Variants in RUNDC3B observed in about 807,000 individuals in gnomAD.
RUNDC3B encodes the protein RUN domain-containing protein 3B.
Under a neutral mutation model 58.4 loss-of-function variants are expected in RUNDC3B, and 33 were observed. That is an observed-to-expected ratio of 0.56 (90% confidence interval 0.43 to 0.75). The LOEUF (loss-of-function observed/expected upper bound fraction) is 0.75. Among genes scored for constraint, RUNDC3B ranks in the 30% least tolerant of loss-of-function variants. The probability of loss-of-function intolerance (pLI) is 0.00; values close to 1 mark genes in which losing one functional copy is unlikely to be tolerated. For missense variants in RUNDC3B, 501 were observed against 535.7 expected (o/e 0.94, Z 0.64); for synonymous variants, 193 against 195.2 (o/e 0.99, Z 0.10).
intron 6 of RUNDC3B, among the ~76,000 whole-genome samples, chr7:87,749,355 T>A (rs1359636770): frequency 6.6e-6 from 1 of 152,118 alleles, no homozygotes; most frequent in African/African-American, 2.4e-5. Context: ...TTTGTCTGAA[T>A]TTTTTTAATA....
chr7:87,699,437 T>C (rs1828809813), intron 2 of RUNDC3B, among the ~76,000 whole-genome samples: 1 of 152,144 alleles, frequency 6.6e-6, no homozygotes, highest in South Asian at 2.1e-4. Context: ...AGAGTCCTGC[T>C]CTGTCACTCA....
intron 4 of RUNDC3B, among the ~76,000 whole-genome samples, chr7:87,715,237 T>A (rs1830451279): frequency 7.7e-6 from 1 of 129,200 alleles, no homozygotes; most frequent in South Asian, 2.3e-4. Context: ...ATAAGGACTT[T>A]ATATATATAA....
chr7:87,739,847 G>A lies in RUNDC3B; in HGVS notation c.515G>A (p.Gly172Asp), dbSNP rs1320693057. The change falls in exon 5 of 11, where the codon GGC becomes GAC. Residue 172 changes from glycine (G) to aspartate (D), a missense_variant. Physicochemically the swap from Gly to Asp is moderately conservative, Grantham distance 94. Coordinates refer to ENST00000394654, the MANE Select transcript of RUNDC3B (RefSeq NM_001134405.2). ...VLGEEANMLA[G>D]MLLGLNAIDF... ...GGTGAAGAAGCAAATATGCTTGCTG[G>A]CATGCTTCTAGGACTCAATGCTATT... 6.3e-7 allele frequency: 1 copy of A among 1,596,586 alleles called. No homozygotes were observed. Among genetic ancestry groups the A allele is most frequent in the South Asian group, 1.1e-5 (1 of 88,942 alleles).
chr7:87,641,058 C>T lies in RUNDC3B; in HGVS notation c.123-9764C>T, dbSNP rs550847248. Among the ~76,000 whole-genome samples, 128 of 152,114 alleles carry T rather than the reference C, an allele frequency of 8.4e-4. 1 individual carries two copies. The highest frequency in any genetic ancestry group is 9.7e-4 in the Non-Finnish European group (66 of 67,984). On this transcript the variant is annotated intron_variant, in intron 1 of 10. Transcript: ENST00000394654. ...TTTTCTCTCTTACTCCTTTCTTTGT[C>T]ATGTATGTTCTATCTTTTGTCACAT...
At chr7:87,823,666 G>A (rs994204142) in intron 10 of RUNDC3B, among the ~76,000 whole-genome samples, 7 of 152,088 alleles carry the variant, frequency 4.6e-5, no homozygotes, top group Admixed American at 3.3e-4. Flanking sequence ...AAGAAAATAC[G>A]ATGTTTGGTT....
chr7:87,636,640 T>C (rs1433346384), intron 1 of RUNDC3B, among the ~76,000 whole-genome samples: 2 of 152,266 alleles, frequency 1.3e-5, no homozygotes, highest in Non-Finnish European at 1.5e-5. Flanking sequence ...TCCAAAGTAA[T>C]GAAAATATTC....
chr7:87,781,448 C>A (rs1834915159), intron 8 of RUNDC3B, among the ~76,000 whole-genome samples: 1 of 152,044 alleles, frequency 6.6e-6, no homozygotes, highest in Non-Finnish European at 1.5e-5. Flanking sequence ...AATATGACTT[C>A]TCTTTTACCT....
intron 4 of RUNDC3B, among the ~76,000 whole-genome samples, chr7:87,738,827 A>G (rs906708206): frequency 6.6e-6 from 1 of 151,916 alleles, no homozygotes; most frequent in Non-Finnish European, 1.5e-5. Flanking sequence ...ACAATTCAAA[A>G]TTGATGGTAG....
intron 2 of RUNDC3B, among the ~76,000 whole-genome samples, chr7:87,688,947 C>A (rs1344942780): frequency 2.0e-5 from 3 of 151,834 alleles, no homozygotes; most frequent in Non-Finnish European, 4.4e-5. Flanking sequence ...TTTTCATTCA[C>A]CAATTTAAAT....
chr7:87,712,522 T>G (rs1830177993), intron 4 of RUNDC3B, among the ~76,000 whole-genome samples: 1 of 152,110 alleles, frequency 6.6e-6, no homozygotes, highest in Non-Finnish European at 1.5e-5. Flanking sequence ...GTTATGATAG[T>G]CTTTTCCAAA....
intron 4 of RUNDC3B, chr7:87,713,354 C>G (rs1830262207): frequency 6.6e-6 from 1 of 152,174 alleles, no homozygotes; most frequent in East Asian, 1.9e-4. Context: ...GCTACATGAA[C>G]TAAGGCAGGC....
intron 10 of RUNDC3B, among the ~76,000 whole-genome samples, chr7:87,823,624 G>A (rs905709193): frequency 1.3e-5 from 2 of 151,772 alleles, no homozygotes; most frequent in Admixed American, 6.6e-5. Context: ...TTATGCTTTT[G>A]CATCCTCATA....
In RUNDC3B at chr7:87,676,415, A is replaced by G. The variant is rs1233893423; in HGVS notation, c.239-24006A>G. On this transcript the variant is annotated intron_variant, in intron 2 of 10. Transcript: ENST00000394654. ...CAACAACAACATTAAAAAATGGGCA[A>G]AGAGGCCAGGCGCAGTGGCTCACAC... 3.3e-5 allele frequency among the ~76,000 whole-genome samples: 5 copies of G among 151,950 alleles called. No individual in the cohort carries two copies. In the East Asian group the frequency reaches 9.7e-4, roughly 30 times the overall value.
intron 1 of RUNDC3B, among the ~76,000 whole-genome samples, chr7:87,644,896 A>T (rs1023123988): frequency 1.3e-5 from 2 of 151,948 alleles, no homozygotes; most frequent in African/African-American, 2.4e-5. Context: ...TTTTTAAGTT[A>T]TTTTTAATTA....
chr7:87,708,579 G>A (rs890862351), intron 3 of RUNDC3B, among the ~76,000 whole-genome samples: 2 of 152,028 alleles, frequency 1.3e-5, no homozygotes, highest in Admixed American at 6.5e-5. Context: ...GTATTTTATG[G>A]ATAAGAGTTG....
chr7:87,700,199 C>A (rs1367028587), intron 2 of RUNDC3B, among the ~76,000 whole-genome samples: 1 of 151,970 alleles, frequency 6.6e-6, no homozygotes, highest in East Asian at 1.9e-4. Context: ...AGACTATGAT[C>A]CAGACTCATT....
At chr7:87,700,828 CT>C (rs1339494565) in intron 3 of RUNDC3B, among the ~76,000 whole-genome samples, 2 of 152,124 alleles carry the variant, frequency 1.3e-5, no homozygotes, top group African/African-American at 2.4e-5. Flanking sequence ...TGTTATTTGC[CT>C]TTTCGCTGTG....
chr7:87,633,413 A>G (rs949353583), intron 1 of RUNDC3B, among the ~76,000 whole-genome samples: 1 of 152,232 alleles, frequency 6.6e-6, no homozygotes, highest in Non-Finnish European at 1.5e-5. Context: ...CTCTATGAAT[A>G]TGCCCACTGT....
At position 87,770,752 on chromosome 7, in the gene RUNDC3B, A is replaced by G. The variant is rs1462857594; in HGVS notation, c.798+3A>G. 2 of 1,594,350 alleles carry G rather than the reference A, an allele frequency of 1.3e-6. No individual in the cohort carries two copies. The highest frequency in any genetic ancestry group is 2.2e-5 in the East Asian group (1 of 44,620). ...ATCAGCTTACCCTGGAACAGAAGGT[A>G]TTTTAAAATTATCAAAACGTACTTA... On this transcript the variant is annotated splice_donor_region_variant and intron_variant, in intron 7 of 10. Coordinates refer to ENST00000394654, the MANE Select transcript of RUNDC3B (RefSeq NM_001134405.2).
Sources: allele counts gnomAD v4.1 joint callset (sites outside exome capture counted in the v4.1 genomes callset), GRCh38; gene constraint gnomAD v4.1.1; transcripts MANE v1.5; gene names NCBI Gene and HGNC (gene_info 2026-07-23, HGNC 2026-07-21).